TARS1: variants seen among roughly 807,000 people sequenced by gnomAD.
TARS1 encodes the protein threonine--tRNA ligase 1, cytoplasmic.
TARS1 carries 57 observed loss-of-function variants against 97.7 expected under a neutral mutation model. The ratio of observed to expected loss-of-function variants is 0.58; its 90% confidence interval spans 0.47 to 0.73. TARS1 has a LOEUF of 0.73. TARS1 is among the 30% of genes least tolerant of loss of function. The pLI, the probability that TARS1 is intolerant of heterozygous loss-of-function variation, is 0.00. For synonymous variants in TARS1, 312 were observed against 293.7 expected (o/e 1.06, Z -0.64); for missense variants, 806 against 888.3 (o/e 0.91, Z 1.18).
chr5:33,452,803 A>C (rs1201506811), intron 3 of TARS1, among the ~76,000 whole-genome samples: 2 of 151,722 alleles, frequency 1.3e-5, no homozygotes, highest in Non-Finnish European at 2.9e-5. Context: ...TACATAGCTT[A>C]GCTTTGTAGA....
chr5:33,440,794 A>C (rs1025428508), upstream of TARS1: 22 of 530,316 alleles, frequency 4.1e-5, no homozygotes, highest in Non-Finnish European at 4.7e-5. Flanking sequence ...GAGAGTAGGC[A>C]TGTAGCTTCT....
chr5:33,453,410 G>T lies in TARS1; in HGVS notation c.451G>T (p.Ala151Ser), dbSNP rs755358781. 9.3e-6 allele frequency: 15 copies of T among 1,613,008 alleles called. No individual in the cohort carries two copies. Among genetic ancestry groups the T allele is most frequent in the Admixed American group, 6.7e-5 (4 of 59,860 alleles). ...CAAGTTTGAGGATGAGGAAGCTCAG[G>T]CAGTAAGTTGCTGATTAGTATTCAT... ...LLKFEDEEAQ[A>S]VYWHSSAHIM... Residue 151 changes from alanine (A) to serine (S), a missense_variant and splice_region_variant, in exon 4 of 19, where the codon GCA (alanine) becomes TCA (serine). Physicochemically the swap from Ala to Ser is moderately conservative, Grantham distance 99. Around this residue, in one of 3 missense-constraint regions of TARS1, gnomAD observed 356 missense variants for 357.8 expected, o/e 0.99. Coordinates refer to ENST00000265112, the MANE Select transcript of TARS1 (RefSeq NM_152295.5).
chr5:33,457,803 TG>T (rs1742101566), intron 9 of TARS1, among the ~76,000 whole-genome samples: 1 of 152,254 alleles, frequency 6.6e-6, no homozygotes, highest in African/African-American at 2.4e-5. Flanking sequence ...ATGTCGCACA[TG>T]GATCCTGTGC....
rs960913536 is a variant in TARS1 at position 33,449,379 on chromosome 5, A to T, written c.329+648A>T. The stretch of plus-strand genomic sequence containing the variant: ...TATATCTTAAACTGGGTATTGGGAA[A>T]CTCTAGTCATAATCTGTTTGTGTAT... On this transcript the variant is annotated intron_variant, in intron 3 of 18. Coordinates refer to ENST00000265112, the MANE Select transcript of TARS1 (RefSeq NM_152295.5). Among the ~76,000 whole-genome samples the T allele has an allele frequency of 5.2e-4, 77 of 148,306 alleles. 2 individuals are homozygous for T. Among genetic ancestry groups the T allele is most frequent in the Admixed American group, 3.3e-4 (5 of 14,952 alleles).
At chr5:33,465,240 T>C (rs145385480) in intron 17 of TARS1, among the ~76,000 whole-genome samples, 1 of 152,330 alleles carries the variant, frequency 6.6e-6, no homozygotes, top group African/African-American at 2.4e-5. Context: ...CTTATTTGTA[T>C]GTGAAAACTC....
chr5:33,452,283 T>C, intron 3 of TARS1: 1 of 1,318,632 alleles, frequency 7.6e-7, no homozygotes, highest in African/African-American at 1.5e-5. Flanking sequence ...TAGACTATTA[T>C]TTCTCTAGCT....
rs775506025 is a variant in TARS1, at chr5:33,441,045, G to A, written c.-42G>A. The A allele has an allele frequency of 1.2e-6, 2 of 1,613,956 alleles. No homozygotes were observed. The highest frequency in any genetic ancestry group is 2.2e-5 in the South Asian group (2 of 91,072). ...CCCGCCTCTTGGCTCCTCTCCTCTA[G>A]GCCGTCGCTTTCGGGTTCTCTCATC... On this transcript the variant is annotated 5_prime_UTR_variant, in exon 1 of 19. Coordinates refer to ENST00000265112, the MANE Select transcript of TARS1 (RefSeq NM_152295.5).
chr5:33,461,337 ATTGGC>A, intron 13 of TARS1, 42 bp downstream of exon 13: 1 of 1,592,682 alleles, frequency 6.3e-7, no homozygotes, highest in Non-Finnish European at 8.5e-7. Context: ...ACTGTTTGAA[ATTGGC>A]TTGTTCTGAG....
In TARS1 at chr5:33,441,423, A is replaced by C. The variant is rs148412519; in HGVS notation, c.57+280A>C. 569 of 402,356 alleles carry C rather than the reference A, an allele frequency of 1.4e-3. 2 individuals carry two copies. Among genetic ancestry groups the C allele is most frequent in the African/African-American group, 0.011 (534 of 49,894 alleles). 24.9% of individuals were successfully genotyped at this position (402,356 alleles called of 1,614,324 possible). ...GACTTGTTCAGAGCCTCACATCTAC[A>C]GTAGTTAGACGCGGAGACAGAATCA... On this transcript the variant is annotated intron_variant, in intron 1 of 18. Coordinates refer to ENST00000265112, the MANE Select transcript of TARS1 (RefSeq NM_152295.5).
intron 1 of TARS1, among the ~76,000 whole-genome samples, chr5:33,443,320 C>CTCTCTCTCTCTCTCTCTCTCTCT (rs1741220535): frequency 8.4e-6 from 1 of 118,486 alleles, no homozygotes. Context: ...TCTCTCTCTC[C>CTCTCTCTCTCTCTCTCTCTCTCT]CTCTCTCTCT....
chr5:33,455,245 C>T (rs1004143953), intron 5 of TARS1, among the ~76,000 whole-genome samples, 179 bp downstream of exon 5: 5 of 152,004 alleles, frequency 3.3e-5, no homozygotes, highest in Non-Finnish European at 7.4e-5. Context: ...TTTGATGAGA[C>T]CTCTGTTCTA....
chr5:33,463,965 ATAGAT>A (rs1225181328), intron 17 of TARS1, 140 bp downstream of exon 17: 5 of 692,676 alleles, frequency 7.2e-6, no homozygotes, highest in African/African-American at 7.2e-5. Context: ...TTAAGCCTGA[ATAGAT>A]TATATTACTT....
chr5:33,445,894 A>G (rs998243292), intron 2 of TARS1, among the ~76,000 whole-genome samples: 2 of 152,172 alleles, frequency 1.3e-5, no homozygotes, highest in South Asian at 4.1e-4. Context: ...AAGGCCTCTC[A>G]AGTCTGCAGA....
intron 17 of TARS1, 63 bp from the exon 18 acceptor site, chr5:33,466,808 A>T: frequency 8.4e-7 from 1 of 1,190,652 alleles, no homozygotes; most frequent in Non-Finnish European, 1.2e-6. Context: ...CAGTAAAATC[A>T]TGTGAGATCA....
At chr5:33,455,136 C>A (rs1741951616) in intron 5 of TARS1, 70 bp downstream of exon 5, 34 of 1,573,988 alleles carry the variant, frequency 2.2e-5, no homozygotes, top group South Asian at 1.3e-4. Context: ...CTTAAGAGTT[C>A]TCAGTAAGGG....
At chr5:33,442,137 A>G (rs995703928) in intron 1 of TARS1, among the ~76,000 whole-genome samples, 1 of 152,156 alleles carries the variant, frequency 6.6e-6, no homozygotes, top group East Asian at 1.9e-4. Context: ...GGGATCCTCT[A>G]TCCCAAGTCT....
At chr5:33,455,124 T>C (rs1332767195) in intron 5 of TARS1, 58 bp downstream of exon 5, 3 of 1,592,890 alleles carry the variant, frequency 1.9e-6, no homozygotes, top group African/African-American at 2.7e-5. Flanking sequence ...CCATAAGTTA[T>C]TCTTAAGAGT....
Position 33,449,669 on chromosome 5 carries a change from A to G in TARS1, c.329+938A>G, listed in dbSNP as rs576494953. ...ACGGGGTTTCACCGTGCTAGCCAGG[A>G]TGGTCTCGATCTCCTGACCTTGTGA... is the stretch of plus-strand genomic sequence containing the variant. On this transcript the variant is annotated intron_variant, in intron 3 of 18. Transcript: ENST00000265112. Among the ~76,000 whole-genome samples the G allele has an allele frequency of 2.0e-4, 30 of 151,878 alleles. No individual in the cohort carries two copies. The South Asian group carries it at 6.2e-3, about 32-fold the overall frequency.
At chr5:33,456,359 C>G (rs1742019454) in intron 8 of TARS1, 132 bp downstream of exon 8, 1 of 731,526 alleles carries the variant, frequency 1.4e-6, no homozygotes, top group African/African-American at 1.8e-5. Flanking sequence ...TCTCTATTAA[C>G]TGGGAGCTGT....
Sources: allele counts gnomAD v4.1 joint callset (sites outside exome capture counted in the v4.1 genomes callset), GRCh38; gene constraint gnomAD v4.1.1; regional missense constraint gnomAD v4.1.1; transcripts MANE v1.5; gene names NCBI Gene and HGNC (gene_info 2026-07-23, HGNC 2026-07-21).